The following PRELID2 variants were observed in gnomAD, a reference collection of about 807,000 sequenced individuals.
PRELID2 encodes the protein PRELI domain-containing protein 2.
A neutral mutation model predicts 28.4 loss-of-function variants in PRELID2; 25 were observed. The ratio of observed to expected loss-of-function variants is 0.88; its 90% CI spans 0.64 to 1.23. The LOEUF (loss-of-function observed/expected upper bound fraction) is 1.23, where lower values mean the gene tolerates loss of function less well. PRELID2 is among the 50% of genes most tolerant of loss of function. The pLI is 0.00. For synonymous variants in PRELID2, 76 were observed against 71.6 expected, an observed-to-expected ratio of 1.06 and a Z score of -0.31; for missense variants, 201 against 214.4, an observed-to-expected ratio of 0.94 and a Z score of 0.39.
intron 4 of PRELID2, among the ~76,000 whole-genome samples, chr5:145,800,509 G>T (rs1753064893): frequency 6.6e-6 from 1 of 152,076 alleles, no homozygotes; most frequent in South Asian, 2.1e-4. Flanking sequence ...TTTTAATATT[G>T]AGAAATGAAA....
intron 1 of PRELID2, among the ~76,000 whole-genome samples, chr5:145,621,586 T>C (rs568411252): frequency 6.6e-6 from 1 of 152,344 alleles, no homozygotes; most frequent in South Asian, 2.1e-4. Flanking sequence ...AATGAACTGC[T>C]GATACACATG....
intron 1 of PRELID2, among the ~76,000 whole-genome samples, chr5:145,539,009 C>A (rs772503845): frequency 1.3e-5 from 2 of 151,874 alleles, no homozygotes; most frequent in Non-Finnish European, 2.9e-5. Context: ...AGCCAAATAG[C>A]AACCTGACTT....
At chr5:145,385,611 T>C in the PRELID2 span, among the ~76,000 whole-genome samples, 5 of 152,306 alleles carry the variant, frequency 3.3e-5, no homozygotes, top group Admixed American at 1.3e-4. Context: ...CTGTAACACA[T>C]GGTAGTAAAT....
chr5:145,495,669 G>T (rs879922161), intron 1 of PRELID2, among the ~76,000 whole-genome samples: 10 of 152,182 alleles, frequency 6.6e-5, no homozygotes, highest in African/African-American at 9.7e-5. Flanking sequence ...CAGGGATAAT[G>T]TTAGCATGTC....
At chr5:145,444,214 A>G in the PRELID2 span, among the ~76,000 whole-genome samples, 1 of 152,062 alleles carries the variant, frequency 6.6e-6, no homozygotes, top group African/African-American at 2.4e-5. Context: ...AGCAGCATTT[A>G]CATGTAATTA....
chr5:145,375,413 A>C, the PRELID2 span, among the ~76,000 whole-genome samples: 2 of 152,104 alleles, frequency 1.3e-5, no homozygotes, highest in Non-Finnish European at 2.9e-5. Context: ...ATTCCTGTAT[A>C]GGGTGTCTGA....
intron 1 of PRELID2, among the ~76,000 whole-genome samples, chr5:145,524,569 T>C (rs756422719): frequency 1.3e-5 from 2 of 152,364 alleles, no homozygotes; most frequent in East Asian, 1.9e-4. Flanking sequence ...TTGTTCTCCA[T>C]GTGGTAATTC....
At chr5:145,671,008 G>A (rs930389680) in intron 1 of PRELID2, among the ~76,000 whole-genome samples, 1 of 152,042 alleles carries the variant, frequency 6.6e-6, no homozygotes, top group Non-Finnish European at 1.5e-5. Flanking sequence ...CATAAAATGG[G>A]GATAATGATA....
chr5:145,821,557 G>C (rs562643085), intron 2 of PRELID2, among the ~76,000 whole-genome samples: 57 of 152,300 alleles, frequency 3.7e-4, no homozygotes, highest in African/African-American at 1.3e-3. Context: ...TCTGCTTTGT[G>C]AATCACTGTG....
At chr5:145,403,649 C>G in the PRELID2 span, among the ~76,000 whole-genome samples, 2 of 152,226 alleles carry the variant, frequency 1.3e-5, no homozygotes, top group African/African-American at 4.8e-5. Flanking sequence ...AGGAGCTATA[C>G]TAACACTTAA....
At chr5:145,386,613 G>A in the PRELID2 span, among the ~76,000 whole-genome samples, 1 of 152,070 alleles carries the variant, frequency 6.6e-6, no homozygotes, top group African/African-American at 2.4e-5. Flanking sequence ...ACCAGTCTCA[G>A]GTATGTCTTT....
chr5:145,445,485 A>C, the PRELID2 span, among the ~76,000 whole-genome samples: 6 of 152,054 alleles, frequency 3.9e-5, no homozygotes, highest in Non-Finnish European at 5.9e-5. Flanking sequence ...TATGAATAAG[A>C]CCTCAAAAGC....
intron 1 of PRELID2, among the ~76,000 whole-genome samples, chr5:145,740,320 A>ATG (rs1561566205): frequency 1.1e-5 from 1 of 95,192 alleles, no homozygotes; most frequent in African/African-American, 4.2e-5. Context: ...ATATATATAT[A>ATG]AATCCTAAAT....
At chr5:145,415,760 T>G in the PRELID2 span, among the ~76,000 whole-genome samples, 5 of 152,118 alleles carry the variant, frequency 3.3e-5, no homozygotes, top group African/African-American at 9.6e-5. Context: ...TGTGTCTTTA[T>G]AGCAGCATGA....
the PRELID2 span, among the ~76,000 whole-genome samples, chr5:145,291,480 C>T: frequency 6.6e-6 from 1 of 151,914 alleles, no homozygotes; most frequent in Non-Finnish European, 1.5e-5. Flanking sequence ...AAGGTGCCTC[C>T]TAGCAGCTTC....
intron 1 of PRELID2, among the ~76,000 whole-genome samples, chr5:145,553,196 A>T (rs985142006): frequency 7.2e-6 from 1 of 139,218 alleles, no homozygotes; most frequent in African/African-American, 2.5e-5. Context: ...CCCCCCCCAA[A>T]AAAAAAGGGA....
chr5:145,416,323 A>T, the PRELID2 span, among the ~76,000 whole-genome samples: 2 of 152,046 alleles, frequency 1.3e-5, no homozygotes, highest in African/African-American at 4.8e-5. Context: ...CCTAGAAGAA[A>T]ACCTAGGCAT....
intron 1 of PRELID2, among the ~76,000 whole-genome samples, chr5:145,579,118 T>A (rs914163668): frequency 1.3e-5 from 2 of 152,080 alleles, no homozygotes; most frequent in Non-Finnish European, 1.5e-5. Context: ...CCCTGTTTAG[T>A]CTTACAGGGG....
At chr5:145,246,899 G>T in the PRELID2 span, among the ~76,000 whole-genome samples, 2 of 152,114 alleles carry the variant, frequency 1.3e-5, no homozygotes, top group African/African-American at 4.8e-5. Flanking sequence ...GCCCTTTCCG[G>T]AAAAGACCCT....
Sources: gnomAD v4.1 joint callset for allele counts (sites outside exome capture counted in the v4.1 genomes callset) on GRCh38, gnomAD v4.1.1 for gene constraint, MANE v1.5 for transcripts, NCBI Gene and HGNC (gene_info 2026-07-23, HGNC 2026-07-21) for gene names.